CSMD2: variants seen among roughly 807,000 people sequenced by gnomAD.
CSMD2 encodes CUB and sushi domain-containing protein 2.
CSMD2 carries 130 observed loss-of-function variants against 398.5 expected under a neutral mutation model. That is an observed-to-expected ratio of 0.33 (90% CI 0.28 to 0.38). CSMD2 has a LOEUF of 0.38. Ranked by LOEUF, CSMD2 falls within the 10% of genes least tolerant of loss-of-function variation. CSMD2 has a pLI of 1.00. For missense variants in CSMD2, 3,829 were observed against 4,764.9 expected, an observed-to-expected ratio of 0.80 and a Z score of 5.78; for synonymous variants, 1,828 against 1,908.5, an observed-to-expected ratio of 0.96 and a Z score of 1.10.
At chr1:33,850,750 ATT>A (rs57941409) in intron 5 of CSMD2, among the ~76,000 whole-genome samples, 11 of 150,314 alleles carry the variant, frequency 7.3e-5, no homozygotes, top group Admixed American at 5.3e-4. Flanking sequence ...ATTACACTCA[ATT>A]TTTTTTTTCT....
At chr1:33,924,635 G>A (rs1323502838) in intron 4 of CSMD2, among the ~76,000 whole-genome samples, 1 of 152,074 alleles carries the variant, frequency 6.6e-6, no homozygotes, top group Non-Finnish European at 1.5e-5. Context: ...TATAATGGCT[G>A]TACTAATTTA....
intron 3 of CSMD2, among the ~76,000 whole-genome samples, chr1:34,025,117 CTGGA>C (rs1198588845): frequency 1.3e-5 from 2 of 152,216 alleles, no homozygotes; most frequent in African/African-American, 4.8e-5. Flanking sequence ...CCTGCGTCTC[CTGGA>C]ACAGCAAAAC....
At chr1:34,139,878 G>T (rs549530921) in intron 1 of CSMD2, among the ~76,000 whole-genome samples, 37 of 152,310 alleles carry the variant, frequency 2.4e-4, no homozygotes, top group Admixed American at 8.5e-4. Flanking sequence ...CATGGGTAAA[G>T]TGGCTCCCCT....
At chr1:33,877,868 C>T (rs1405255161) in intron 5 of CSMD2, among the ~76,000 whole-genome samples, 1 of 152,056 alleles carries the variant, frequency 6.6e-6, no homozygotes, top group Non-Finnish European at 1.5e-5. Context: ...AAGGGAGGGG[C>T]TCCTGCAGCT....
At chr1:33,574,916 T>C (rs1481172591) in intron 49 of CSMD2, among the ~76,000 whole-genome samples, 1 of 152,222 alleles carries the variant, frequency 6.6e-6, no homozygotes, top group Non-Finnish European at 1.5e-5. Context: ...GGATCTCCAC[T>C]GGTGTCTTGC....
chr1:34,036,297 G>C (rs1651115957), intron 2 of CSMD2, among the ~76,000 whole-genome samples: 1 of 152,094 alleles, frequency 6.6e-6, no homozygotes, highest in Non-Finnish European at 1.5e-5. Flanking sequence ...AAACAAACTG[G>C]AGTACATCCA....
intron 3 of CSMD2, among the ~76,000 whole-genome samples, chr1:33,985,243 C>T (rs1408462658): frequency 6.6e-6 from 1 of 152,160 alleles, no homozygotes; most frequent in African/African-American, 2.4e-5. Context: ...CCTTCCCCAT[C>T]CACCCCACCC....
chr1:34,026,639 C>G (rs1649684176), intron 3 of CSMD2, among the ~76,000 whole-genome samples: 1 of 152,246 alleles, frequency 6.6e-6, no homozygotes, highest in Non-Finnish European at 1.5e-5. Flanking sequence ...ACTCTTCCCT[C>G]ATTGGCATTT....
intron 23 of CSMD2, among the ~76,000 whole-genome samples, chr1:33,699,307 G>A (rs891300120): frequency 6.6e-6 from 1 of 152,188 alleles, no homozygotes; most frequent in Non-Finnish European, 1.5e-5. Context: ...CACTTTAAAT[G>A]TATGTTTAAA....
chr1:33,798,470 G>T (rs1655212088), intron 10 of CSMD2, among the ~76,000 whole-genome samples: 1 of 152,176 alleles, frequency 6.6e-6, no homozygotes, highest in Non-Finnish European at 1.5e-5. Flanking sequence ...ATGGAAGGGG[G>T]TCCATAGAGG....
At position 33,636,993 on chromosome 1, in the gene CSMD2, C is replaced by T. The variant is rs1417549692; in HGVS notation, c.4775-439G>A. On this transcript the variant is annotated intron_variant, in intron 29 of 70. Transcript: ENST00000373381. This position sits in a 1 kb window ranked among gnomAD's most constrained non-coding sequence, Gnocchi z 4.8. ...CATCACTTTACTCATCTTTGACCCC[C>T]CACACTCAGCAGCCTCCTGGCCTTT... Among the ~76,000 whole-genome samples the T allele has an allele frequency of 6.6e-6, 1 of 152,194 alleles. No individual in the cohort carries two copies. The highest frequency in any genetic ancestry group is 1.5e-5 in the Non-Finnish European group (1 of 68,024).
At chr1:33,821,065 C>A (rs1171754433) in intron 7 of CSMD2, among the ~76,000 whole-genome samples, 1 of 152,190 alleles carries the variant, frequency 6.6e-6, no homozygotes, top group Admixed American at 6.5e-5. Context: ...AAAGCTGGGA[C>A]TTCAGCTCAA....
At chr1:33,843,747 C>T (rs1017760097) in intron 6 of CSMD2, among the ~76,000 whole-genome samples, 3 of 152,192 alleles carry the variant, frequency 2.0e-5, no homozygotes, top group African/African-American at 7.2e-5. Flanking sequence ...ATGGGAAGCA[C>T]AGTGGATGGG....
intron 29 of CSMD2, among the ~76,000 whole-genome samples, chr1:33,643,095 T>C (rs971679608): frequency 6.6e-6 from 1 of 152,182 alleles, no homozygotes; most frequent in East Asian, 1.9e-4. Flanking sequence ...CCTGGATCTC[T>C]CTAAAAGACA....
At chr1:33,691,775 G>A (rs1278455488) in intron 25 of CSMD2, among the ~76,000 whole-genome samples, 1 of 152,168 alleles carries the variant, frequency 6.6e-6, no homozygotes, top group East Asian at 1.9e-4. Flanking sequence ...TGGCATTTAA[G>A]ATGGTCCATA....
At chr1:33,772,393 C>A (rs1651397073) in intron 13 of CSMD2, 176 bp downstream of exon 13, 2 of 586,514 alleles carry the variant, frequency 3.4e-6, no homozygotes, top group African/African-American at 1.9e-5. Context: ...AGTCGACATT[C>A]CTGCCAGAAA....
chr1:33,845,108 G>A (rs1661230255), intron 6 of CSMD2, among the ~76,000 whole-genome samples: 1 of 152,004 alleles, frequency 6.6e-6, no homozygotes, highest in Non-Finnish European at 1.5e-5. Flanking sequence ...ACAGTGGGGT[G>A]GGATGAGCAA....
Position 33,857,028 on chromosome 1 carries a change from A to G in CSMD2, c.921-10032T>C, listed in dbSNP as rs1639148360. 2.0e-5 allele frequency among the ~76,000 whole-genome samples: 3 copies of G among 152,124 alleles called. No homozygotes were observed. In the South Asian group the frequency reaches 6.2e-4, roughly 32 times the overall value. On this transcript the variant is annotated intron_variant, in intron 5 of 70. Transcript: ENST00000373381. ...GCAAAGGGAATAATATTTACTGAGT[A>G]GAAACTAATTTGGGGTAGAGACTTA... is the stretch of plus-strand genomic sequence containing the variant.
intron 25 of CSMD2, among the ~76,000 whole-genome samples, chr1:33,663,813 C>T (rs1021267117): frequency 2.0e-5 from 3 of 151,820 alleles, no homozygotes; most frequent in Admixed American, 6.5e-5. Context: ...GTGTGACTCT[C>T]TCTGTTAATT....
Sources: gnomAD v4.1 joint callset for allele counts (sites outside exome capture counted in the v4.1 genomes callset) on GRCh38, gnomAD v4.1.1 for gene constraint, Gnocchi (gnomAD v3.1) non-coding constraint, MANE v1.5 for transcripts, NCBI Gene and HGNC (gene_info 2026-07-23, HGNC 2026-07-21) for gene names.